Variants in RTEL1 observed in about 807,000 individuals in gnomAD.
The protein encoded by RTEL1 is regulator of telomere elongation helicase 1.
Under a neutral mutation model 162.2 loss-of-function variants are expected in RTEL1, and 86 were observed. The ratio of observed to expected loss-of-function variants is 0.53; its 90% CI spans 0.45 to 0.63. RTEL1 has a LOEUF of 0.63. RTEL1 is among the 30% of genes least tolerant of loss of function. The pLI is 0.00. For synonymous variants in RTEL1, 958 were observed against 717.9 expected, an observed-to-expected ratio of 1.33 and a Z score of -5.35; for missense variants, 1,941 against 1,750.2, an observed-to-expected ratio of 1.11 and a Z score of -1.95.
chr20:63,664,392 C>T (rs1267485405), intron 6 of RTEL1, among the ~76,000 whole-genome samples: 6 of 152,184 alleles, frequency 3.9e-5, no homozygotes, highest in African/African-American at 2.4e-5. Flanking sequence ...GGCAGTGCCC[C>T]GGTGGCTGCT....
rs1298067177 is a variant in RTEL1 at position 63,683,731 on chromosome 20, G to A, written c.1192-1792G>A. Among the ~76,000 whole-genome samples, 4 of 152,328 alleles carry A rather than the reference G, an allele frequency of 2.6e-5. No homozygotes were observed. In the East Asian group the frequency reaches 5.8e-4, roughly 22 times the overall value. On this transcript the variant is annotated intron_variant, in intron 14 of 34. Coordinates refer to ENST00000360203, the MANE Select transcript of RTEL1 (RefSeq NM_001283009.2). ...GGCCACATTGCTGAGCCTGTTGGGG[G>A]CTTTGCGTTCCTGTTCTGGCCGTTT...
Position 63,660,411 on chromosome 20 carries a change from C to T in RTEL1, c.103-887C>T, listed in dbSNP as rs577731275. 1.5e-4 allele frequency among the ~76,000 whole-genome samples: 23 copies of T among 152,304 alleles called. No homozygotes were observed. The East Asian group carries it at 1.7e-3, about 11-fold the overall frequency. ...GCAGTGCATCGTGCCCCTGGTTTAT[C>T]GAGACTGGAGAATGGCGATGACTTT... is the stretch of plus-strand genomic sequence containing the variant. On this transcript the variant is annotated intron_variant, in intron 2 of 34. Transcript: ENST00000360203.
chr20:63,662,326 A>G (rs2146152513), intron 4 of RTEL1: 1 of 840,916 alleles, frequency 1.2e-6, no homozygotes. Flanking sequence ...CTGTGGCCGG[A>G]CCAGTGGCAG....
intron 10 of RTEL1, among the ~76,000 whole-genome samples, chr20:63,677,099 CTT>C (rs11470048): frequency 0.52 from 79,108 of 151,710 alleles, 21,376 homozygotes; most frequent in Middle Eastern, 0.71. Context: ...GTTGTGGCCT[CTT>C]TGCTGTCTGG....
intron 14 of RTEL1, chr20:63,682,080 G>A (rs1230950315): frequency 1.0e-6 from 1 of 985,346 alleles, no homozygotes; most frequent in Non-Finnish European, 1.2e-6. Flanking sequence ...GCAGGTGTGA[G>A]CTGGCCCGGG....
At position 63,661,019 on chromosome 20, in the gene RTEL1, T is replaced by G. The variant is rs545112144; in HGVS notation, c.103-279T>G. The stretch of plus-strand genomic sequence containing the variant: ...TCCTATTTTGAGACTTGACACCTAA[T>G]TAGTCATCTTACTATTTAAGCTGAA... On this transcript the variant is annotated intron_variant, in intron 2 of 34. Transcript: ENST00000360203. This position sits in a 1 kb window ranked among gnomAD's most constrained non-coding sequence, Gnocchi z 5.1. Among the ~76,000 whole-genome samples the G allele has an allele frequency of 6.6e-6, 1 of 152,376 alleles. No homozygotes were observed. Among genetic ancestry groups the G allele is most frequent in the South Asian group, 2.1e-4 (1 of 4,834 alleles).
rs774734329 is a variant in RTEL1, at chr20:63,695,124, C to G, written c.3402C>G (p.Asp1134Glu). 5 of 1,612,422 alleles carry G rather than the reference C, an allele frequency of 3.1e-6. No homozygotes were observed. Among genetic ancestry groups the G allele is most frequent in the South Asian group, 1.1e-5 (1 of 91,088 alleles). The change falls in exon 33 of 35, where the codon GAC (aspartate) becomes GAG (glutamate). Residue 1134 changes from aspartate to glutamate, a missense_variant. Asp to Glu is a conservative substitution (Grantham distance 45, BLOSUM62 2). Transcript: ENST00000360203. ...AGCGCTTCTCACAGACGTGCACAGA[C>G]CTGACCGGCCGGCCCTACCCGGGCA... ...HKQRFSQTCT[D>E]LTGRPYPGME...
At chr20:63,659,784 G>C (rs1477526720) in intron 2 of RTEL1, among the ~76,000 whole-genome samples, 4 of 147,194 alleles carry the variant, frequency 2.7e-5, no homozygotes, top group African/African-American at 1.0e-4. Flanking sequence ...AAAGTATAGA[G>C]AGAAAAGTGG....
intron 23 of RTEL1, 30 bp from the exon 24 acceptor site, chr20:63,689,702 GCCCCGTGGCCAAGGGAGC>G (rs1568711008): frequency 6.2e-7 from 1 of 1,603,854 alleles, no homozygotes; most frequent in Non-Finnish European, 8.5e-7. Flanking sequence ...CTGAGCCCCC[GCCCCGTGGCCAAGGGAGC>G]CCCCGTGACC....
chr20:63,695,713 A>AGGGCAGGCCCTTGTCCTGGTGGCAAC, intron 34 of RTEL1, 63 bp downstream of exon 34: 4 of 1,605,134 alleles, frequency 2.5e-6, no homozygotes, highest in Non-Finnish European at 3.4e-6. Context: ...TGAGGGGGAA[A>AGGGCAGGCCCTTGTCCTGGTGGCAAC]GGGCAGGCCC....
intron 27 of RTEL1, 130 bp from the exon 28 acceptor site, chr20:63,691,612 G>GC (rs1568714663): frequency 8.1e-6 from 6 of 737,094 alleles, no homozygotes; most frequent in Non-Finnish European, 9.3e-6. Flanking sequence ...GGTGTGCTGT[G>GC]CCCCCCTCCC....
chr20:63,695,261 C>A (rs367759047), intron 33 of RTEL1, 40 bp downstream of exon 33: 3 of 1,606,586 alleles, frequency 1.9e-6, no homozygotes, highest in Non-Finnish European at 2.5e-6. Flanking sequence ...GCGCCCCAAC[C>A]GCACGCAGCC....
At position 63,669,291 on chromosome 20, in the gene RTEL1, T is replaced by G. The variant is rs979175915; in HGVS notation, c.699+1738T>G. 2.6e-5 allele frequency among the ~76,000 whole-genome samples: 4 copies of G among 152,244 alleles called. No individual in the cohort carries two copies. The South Asian group carries it at 8.3e-4, about 31-fold the overall frequency. ...GAATCTTAACTCTTGTTTTACCCTGTATAAACCTAAATGTAAAAGCTAAAC... is the reference window on the plus strand; with the variant it reads ...GAATCTTAACTCTTGTTTTACCCTGGATAAACCTAAATGTAAAAGCTAAAC... On this transcript the variant is annotated intron_variant, in intron 8 of 34. Coordinates refer to ENST00000360203, the MANE Select transcript of RTEL1 (RefSeq NM_001283009.2).
chr20:63,671,160 A>C (rs1200462632), intron 8 of RTEL1, among the ~76,000 whole-genome samples: 2 of 152,148 alleles, frequency 1.3e-5, no homozygotes, highest in Non-Finnish European at 2.9e-5. Context: ...TCTTGGGTTC[A>C]AACAGTTCTC....
At chr20:63,681,091 T>C in intron 14 of RTEL1, 1 of 985,356 alleles carries the variant, frequency 1.0e-6, no homozygotes, top group Non-Finnish European at 1.2e-6. Context: ...ACACGCGGCT[T>C]CCTGAACAGC....
intron 14 of RTEL1, chr20:63,681,483 A>G: frequency 1.0e-6 from 1 of 985,180 alleles, no homozygotes; most frequent in Non-Finnish European, 1.2e-6. Flanking sequence ...ACACGAGATC[A>G]TGGCAGGGTT....
chr20:63,692,953 G>A lies in RTEL1; in HGVS notation c.2801G>A (p.Cys934Tyr), dbSNP rs1263651818. The change falls in exon 29 of 35, where the codon TGT becomes TAT. Residue 934 changes from cysteine (C) to tyrosine (Y), a missense_variant. Cys to Tyr is a radical substitution (Grantham distance 194). Transcript: ENST00000360203. ...GATGACTTCGCCGCCCTGGCCGCCT[G>A]TCTCGGCCCCCTCTTTGCTGAGGAC... ...GSDDFAALAA[C>Y]LGPLFAEDPK... The A allele has an allele frequency of 1.2e-6, 2 of 1,612,548 alleles. No individual in the cohort carries two copies. The highest frequency in any genetic ancestry group is 1.1e-5 in the South Asian group (1 of 91,092).
intron 27 of RTEL1, 64 bp from the exon 28 acceptor site, chr20:63,691,678 T>G: frequency 1.5e-5 from 21 of 1,395,396 alleles, no homozygotes; most frequent in East Asian, 2.3e-5. Flanking sequence ...TGCGTCCAGG[T>G]GCTTTGGGAC....
chr20:63,688,731 C>T, intron 21 of RTEL1, 126 bp downstream of exon 21: 1 of 807,666 alleles, frequency 1.2e-6, no homozygotes, highest in East Asian at 2.7e-5. Context: ...CTCTTCAGGG[C>T]TCCTGCGTTT....
Sources: gnomAD v4.1 joint callset for allele counts (sites outside exome capture counted in the v4.1 genomes callset) on GRCh38, gnomAD v4.1.1 for gene constraint, Gnocchi (gnomAD v3.1) non-coding constraint, MANE v1.5 for transcripts, NCBI Gene and HGNC (gene_info 2026-07-23, HGNC 2026-07-21) for gene names.